Variants in WDR49 observed in about 807,000 individuals in gnomAD.
WDR49 encodes WD repeat domain 49.
WDR49 carries 107 observed loss-of-function variants against 119.5 expected under a neutral mutation model. The observed-to-expected ratio is 0.90, with a 90% CI of 0.77 to 1.05. WDR49 has a LOEUF of 1.05. Among genes scored for constraint, WDR49 ranks in the 50% least tolerant of loss-of-function variants. WDR49 has a pLI of 0.00. For synonymous variants in WDR49, 425 were observed against 418.8 expected (o/e 1.01, Z -0.18); for missense variants, 1,240 against 1,220.5 (o/e 1.02, Z -0.24).
chr3:167,488,956 T>C (rs866600974), intron 18 of WDR49, among the ~76,000 whole-genome samples: 2 of 152,146 alleles, frequency 1.3e-5, no homozygotes, highest in African/African-American at 4.8e-5. Context: ...CCAACATCTT[T>C]GTAGAACTTT....
chr3:167,612,196 A>G (rs1481506131), intron 5 of WDR49, among the ~76,000 whole-genome samples: 1 of 152,204 alleles, frequency 6.6e-6, no homozygotes, highest in African/African-American at 2.4e-5. Flanking sequence ...GAAACTATAC[A>G]AATACATAGA....
intron 10 of WDR49, among the ~76,000 whole-genome samples, chr3:167,542,213 C>A (rs151197314): frequency 6.6e-6 from 1 of 151,940 alleles, no homozygotes; most frequent in Non-Finnish European, 1.5e-5. Flanking sequence ...TGCACTGACA[C>A]GAGTAAACAG....
chr3:167,532,988 C>T lies in WDR49; in HGVS notation c.1955-11G>A. Reference sequence around the variant, plus strand: ...CTCCATCATAACTCCCTACACAAGACAGGATGGAGAATATAAATTGCCAGG... The same window carrying T: ...CTCCATCATAACTCCCTACACAAGATAGGATGGAGAATATAAATTGCCAGG... On this transcript the variant is annotated splice_polypyrimidine_tract_variant and intron_variant, in intron 11 of 18. Coordinates refer to ENST00000682715, the MANE Select transcript of WDR49 (RefSeq NM_001366157.1). The T allele has an allele frequency of 6.4e-7, 1 of 1,550,890 alleles. No individual in the cohort carries two copies. Among genetic ancestry groups the T allele is most frequent in the Non-Finnish European group, 8.8e-7 (1 of 1,138,092 alleles).
intron 3 of WDR49, among the ~76,000 whole-genome samples, chr3:167,622,821 A>G (rs774345460): frequency 1.1e-4 from 16 of 152,176 alleles, no homozygotes; most frequent in Non-Finnish European, 1.6e-4. Flanking sequence ...ATTAGGTGAT[A>G]AAGCAAATCT....
At chr3:167,491,301 T>C (rs1362131626) in intron 18 of WDR49, among the ~76,000 whole-genome samples, 1 of 152,172 alleles carries the variant, frequency 6.6e-6, no homozygotes, top group Non-Finnish European at 1.5e-5. Flanking sequence ...TGCTGAACTT[T>C]ACCTCAGTCC....
chr3:167,486,568 TTG>T (rs1750927309), intron 18 of WDR49, among the ~76,000 whole-genome samples: 1 of 152,020 alleles, frequency 6.6e-6, no homozygotes, highest in Non-Finnish European at 1.5e-5. Context: ...AGTTGTCCCA[TTG>T]AAACAGAAAA....
chr3:167,552,722 G>A (rs1032433203), intron 10 of WDR49, among the ~76,000 whole-genome samples: 2 of 151,920 alleles, frequency 1.3e-5, no homozygotes, highest in Non-Finnish European at 2.9e-5. Context: ...CCTACCTTCC[G>A]AGATGATGCT....
At chr3:167,591,484 A>G (rs1046792634) in intron 7 of WDR49, among the ~76,000 whole-genome samples, 1 of 152,126 alleles carries the variant, frequency 6.6e-6, no homozygotes, top group Admixed American at 6.6e-5. Flanking sequence ...GATCTTCTCA[A>G]TGCTGAAAAA....
At chr3:167,509,903 C>T (rs911777578) in intron 16 of WDR49, among the ~76,000 whole-genome samples, 5 of 151,836 alleles carry the variant, frequency 3.3e-5, no homozygotes, top group South Asian at 2.1e-4. Flanking sequence ...TATTTTTGAG[C>T]GATAAAACAG....
intron 18 of WDR49, among the ~76,000 whole-genome samples, chr3:167,481,404 G>A (rs1577186263): frequency 6.6e-6 from 1 of 151,438 alleles, no homozygotes; most frequent in Admixed American, 6.6e-5. Flanking sequence ...CAGAAAAAGA[G>A]GGAAAAAATC....
At chr3:167,485,587 T>A (rs2108191989) in intron 18 of WDR49, among the ~76,000 whole-genome samples, 1 of 152,132 alleles carries the variant, frequency 6.6e-6, no homozygotes, top group Non-Finnish European at 1.5e-5. Flanking sequence ...CTTCTAGAAC[T>A]TAAAAATTTA....
At chr3:167,487,965 A>C (rs1009279537) in intron 18 of WDR49, among the ~76,000 whole-genome samples, 1 of 152,040 alleles carries the variant, frequency 6.6e-6, no homozygotes, top group Admixed American at 6.6e-5. Flanking sequence ...AGCTGTTTGG[A>C]GATTTCTTAA....
At chr3:167,516,102 T>C (rs1385577889) in intron 16 of WDR49, among the ~76,000 whole-genome samples, 2 of 152,086 alleles carry the variant, frequency 1.3e-5, no homozygotes, top group African/African-American at 4.8e-5. Flanking sequence ...CAAACTACTC[T>C]TGAAATTTTT....
intron 8 of WDR49, among the ~76,000 whole-genome samples, chr3:167,560,947 A>C (rs1713233509): frequency 6.6e-6 from 1 of 152,220 alleles, no homozygotes; most frequent in Non-Finnish European, 1.5e-5. Flanking sequence ...CAAGATATTT[A>C]AGAGATTCAT....
intron 16 of WDR49, among the ~76,000 whole-genome samples, chr3:167,515,939 C>G (rs577686777): frequency 1.7e-4 from 26 of 152,130 alleles, no homozygotes; most frequent in African/African-American, 4.6e-4. Flanking sequence ...AGTGAAGAAC[C>G]CTCTTCAAGG....
At chr3:167,604,542 T>C in intron 5 of WDR49, 74 bp from the exon 6 acceptor site, 1 of 1,389,056 alleles carries the variant, frequency 7.2e-7, no homozygotes, top group Non-Finnish European at 9.5e-7. Context: ...TGGAGCTGTT[T>C]TAATATGGAA....
intron 18 of WDR49, among the ~76,000 whole-genome samples, chr3:167,480,574 T>C (rs1259660359): frequency 1.3e-5 from 2 of 152,192 alleles, no homozygotes; most frequent in African/African-American, 4.8e-5. Context: ...TCTTTCCTCT[T>C]CTTCTCATGG....
chr3:167,491,738 G>A (rs1029804934), intron 18 of WDR49, among the ~76,000 whole-genome samples: 11 of 152,092 alleles, frequency 7.2e-5, no homozygotes, highest in Admixed American at 3.3e-4. Context: ...TGACTCAGAG[G>A]CAGTTCTAAG....
At chr3:167,507,217 A>G (rs138615288) in intron 16 of WDR49, among the ~76,000 whole-genome samples, 265 of 152,276 alleles carry the variant, frequency 1.7e-3, no homozygotes, top group African/African-American at 6.3e-3. Context: ...ATTAACATAA[A>G]TTACTTGGAA....
Sources: gnomAD v4.1 joint callset for allele counts (sites outside exome capture counted in the v4.1 genomes callset) on GRCh38, gnomAD v4.1.1 for gene constraint, MANE v1.5 for transcripts, NCBI Gene and HGNC (gene_info 2026-07-23, HGNC 2026-07-21) for gene names.